The following MAPK6 variants were observed in gnomAD, a reference collection of about 807,000 sequenced individuals.
MAPK6 encodes ERK-3.
Under a neutral mutation model 59.3 loss-of-function variants are expected in MAPK6, and 19 were observed. The observed-to-expected ratio is 0.32, with a 90% CI of 0.22 to 0.47. MAPK6 has a LOEUF of 0.47. Among genes scored for constraint, MAPK6 ranks in the 20% least tolerant of loss-of-function variants. The pLI is 1.00. For synonymous variants in MAPK6, 316 were observed against 290.3 expected, an observed-to-expected ratio of 1.09 and a Z score of -0.90; for missense variants, 724 against 847.9, an observed-to-expected ratio of 0.85 and a Z score of 1.81.
chr15:52,063,072 GTTCTT>G lies in MAPK6; in HGVS notation c.1068-822_1068-818del, dbSNP rs1171959796. Among the ~76,000 whole-genome samples the G allele has an allele frequency of 8.6e-5, 13 of 151,920 alleles. 1 individual carries two copies. Among genetic ancestry groups the G allele is most frequent in the Non-Finnish European group, 1.5e-4 (10 of 67,960 alleles). On this transcript the variant is annotated intron_variant, in intron 5 of 5. Transcript: ENST00000261845. The stretch of plus-strand genomic sequence containing the variant: ...GTCCATTTCTACCCCCTAAATAATG[GTTCTT>G]TTCTTTTTTGAGACGGAGTCTCACT...
chr15:51,984,525 G>C (rs942596142), intron 2 of MAPK6, among the ~76,000 whole-genome samples: 111 of 129,342 alleles, frequency 8.6e-4, no homozygotes, highest in African/African-American at 3.1e-3. Flanking sequence ...GGATGGTCTT[G>C]ATCTCCTGAC....
intron 1 of MAPK6, among the ~76,000 whole-genome samples, chr15:51,978,784 C>T (rs1468180454): frequency 6.6e-6 from 1 of 151,706 alleles, no homozygotes; most frequent in Non-Finnish European, 1.5e-5. Flanking sequence ...CACAACAACC[C>T]TATAACATAG....
At chr15:52,053,981 GTC>G (rs1346825197) in intron 3 of MAPK6, among the ~76,000 whole-genome samples, 1 of 151,746 alleles carries the variant, frequency 6.6e-6, no homozygotes, top group Non-Finnish European at 1.5e-5. Flanking sequence ...TTTTTCTTTT[GTC>G]TCTTTTGTTT....
chr15:52,057,667 C>A (rs2032035116), intron 3 of MAPK6, among the ~76,000 whole-genome samples: 1 of 152,186 alleles, frequency 6.6e-6, no homozygotes, highest in African/African-American at 2.4e-5. Context: ...GCTTCAGCCT[C>A]CCAAGTAGCT....
chr15:52,055,947 T>G (rs1020171037), intron 3 of MAPK6, among the ~76,000 whole-genome samples: 1 of 152,246 alleles, frequency 6.6e-6, no homozygotes, highest in African/African-American at 2.4e-5. Context: ...AGGAATAGTT[T>G]GCAATGAAAT....
At chr15:52,063,047 G>A (rs1209154810) in intron 5 of MAPK6, among the ~76,000 whole-genome samples, 1 of 151,974 alleles carries the variant, frequency 6.6e-6, no homozygotes, top group East Asian at 1.9e-4. Context: ...TTCTCCATGT[G>A]TCCATTTCTA....
chr15:52,024,495 G>C (rs1412783102), intron 1 of MAPK6: 1 of 151,958 alleles, frequency 6.6e-6, no homozygotes, highest in Non-Finnish European at 1.5e-5. Flanking sequence ...CCGCCTCCTG[G>C]GTTCACGCCA....
chr15:52,058,447 C>A (rs1420741910), intron 3 of MAPK6, among the ~76,000 whole-genome samples, 186 bp from the exon 4 acceptor site: 5 of 151,924 alleles, frequency 3.3e-5, no homozygotes, highest in Non-Finnish European at 5.9e-5. Context: ...AAACTAAATA[C>A]ATCAGTAAGC....
intron 1 of MAPK6, among the ~76,000 whole-genome samples, chr15:52,020,329 T>C (rs923330814): frequency 6.6e-6 from 1 of 152,238 alleles, no homozygotes; most frequent in Non-Finnish European, 1.5e-5. Flanking sequence ...CCTTTCCTGT[T>C]TTATTTTTTC....
intron 2 of MAPK6, among the ~76,000 whole-genome samples, chr15:51,984,697 A>T (rs572669336): frequency 2.0e-5 from 3 of 151,838 alleles, no homozygotes; most frequent in Non-Finnish European, 4.4e-5. Context: ...GGGGGGGAAG[A>T]AAAGCCCTGA....
chr15:51,978,781 A>G (rs1360997413), intron 1 of MAPK6, among the ~76,000 whole-genome samples: 1 of 151,780 alleles, frequency 6.6e-6, no homozygotes, highest in East Asian at 1.9e-4. Flanking sequence ...TTTCACAACA[A>G]CCCTATAACA....
At chr15:52,053,449 T>G (rs1281119727) in intron 3 of MAPK6, among the ~76,000 whole-genome samples, 1 of 152,200 alleles carries the variant, frequency 6.6e-6, no homozygotes, top group African/African-American at 2.4e-5. Flanking sequence ...TATTGCCCAT[T>G]TTTTAAATTG....
upstream of MAPK6, among the ~76,000 whole-genome samples, chr15:52,015,503 A>C (rs1044131304): frequency 7.3e-6 from 1 of 137,642 alleles, no homozygotes; most frequent in Non-Finnish European, 1.6e-5. Flanking sequence ...TTTGAGAGGG[A>C]GTCTCGCTCT....
chr15:52,062,725 A>G (rs962679436), intron 5 of MAPK6, among the ~76,000 whole-genome samples: 1 of 152,164 alleles, frequency 6.6e-6, no homozygotes, highest in Non-Finnish European at 1.5e-5. Context: ...AGATTGCACC[A>G]CTGCACTCCA....
chr15:52,055,280 AC>A (rs1290123737), intron 3 of MAPK6, among the ~76,000 whole-genome samples: 1 of 152,078 alleles, frequency 6.6e-6, no homozygotes, highest in Non-Finnish European at 1.5e-5. Flanking sequence ...GGTGGCACAC[AC>A]CTGTGGTCCC....
In MAPK6 at chr15:52,061,467, A is replaced by G. The variant is rs751681991; in HGVS notation, c.1034A>G (p.Asp345Gly). 9.3e-6 allele frequency: 15 copies of G among 1,613,522 alleles called. No homozygotes were observed. In the African/African-American group the frequency reaches 1.2e-4, roughly 13 times the overall value. The change falls in exon 5 of 6, where the codon GAT (aspartate) becomes GGT (glycine). Residue 345 changes from aspartate to glycine, a missense_variant. Physicochemically the swap from Asp to Gly is moderately conservative, Grantham distance 94. Transcript: ENST00000261845. ...EDEVDDILLM[D>G]ETHSHIYNWE... ...GAAGTTGATGATATTTTGCTTATGG[A>G]TGAAACTCACAGTCACATTTATAAC...
chr15:52,056,758 C>A (rs1400521089), intron 3 of MAPK6: 1 of 152,218 alleles, frequency 6.6e-6, no homozygotes, highest in South Asian at 2.1e-4. Context: ...TCCTTGGGCT[C>A]CCTGCTTCTC....
intron 4 of MAPK6, among the ~76,000 whole-genome samples, chr15:52,059,511 C>G (rs2032115497): frequency 6.6e-6 from 1 of 152,196 alleles, no homozygotes; most frequent in South Asian, 2.1e-4. Flanking sequence ...CATACCCTCT[C>G]TAAGGTGTGA....
chr15:52,062,792 G>A (rs940584262), intron 5 of MAPK6, among the ~76,000 whole-genome samples: 7 of 152,072 alleles, frequency 4.6e-5, no homozygotes. Flanking sequence ...CATTTCTGGG[G>A]AAGTTTAGAT....
Sources: allele counts gnomAD v4.1 joint callset (sites outside exome capture counted in the v4.1 genomes callset), GRCh38; gene constraint gnomAD v4.1.1; transcripts MANE v1.5; gene names NCBI Gene and HGNC (gene_info 2026-07-23, HGNC 2026-07-21).